Variants in LRMDA observed in about 807,000 individuals in gnomAD.
LRMDA encodes leucine rich melanocyte differentiation associated.
Under a neutral mutation model 29.8 loss-of-function variants are expected in LRMDA, and 18 were observed. The ratio of observed to expected loss-of-function variants is 0.60; its 90% CI spans 0.42 to 0.90. LRMDA has a LOEUF of 0.90. LRMDA is among the 40% of genes least tolerant of loss of function. LRMDA has a pLI of 0.00. For synonymous variants in LRMDA, 125 were observed against 109.4 expected (o/e 1.14, Z -0.89); for missense variants, 273 against 273.9 (o/e 1.00, Z 0.02).
intron 2 of LRMDA, among the ~76,000 whole-genome samples, chr10:75,969,515 C>A (rs956790607): frequency 3.3e-5 from 5 of 152,230 alleles, no homozygotes; most frequent in Non-Finnish European, 7.3e-5. Context: ...TGAGGTTCAG[C>A]ACAGTGGAGC....
chr10:75,561,099 A>T (rs1302106553), intron 2 of LRMDA, among the ~76,000 whole-genome samples: 1 of 151,560 alleles, frequency 6.6e-6, no homozygotes, highest in East Asian at 1.9e-4. Flanking sequence ...GAATAGTTTC[A>T]GAAGGAATGG....
At chr10:76,378,858 C>CTTTTTTTTTTTTTTTTTTTTTTTTT (rs144037195) in intron 6 of LRMDA, among the ~76,000 whole-genome samples, 4 of 118,966 alleles carry the variant, frequency 3.4e-5, no homozygotes, top group Non-Finnish European at 4.9e-5. Flanking sequence ...CTTTTTTTTT[C>CTTTTTTTTTTTTTTTTTTTTTTTTT]TTTTTTTTTT....
At chr10:75,947,494 G>A (rs1452160757) in intron 2 of LRMDA, among the ~76,000 whole-genome samples, 1 of 152,144 alleles carries the variant, frequency 6.6e-6, no homozygotes, top group Admixed American at 6.5e-5. Context: ...GTGCGAGGAG[G>A]CCCATGTCCA....
intron 5 of LRMDA, among the ~76,000 whole-genome samples, chr10:76,109,979 TC>T (rs1373094538): frequency 2.6e-5 from 4 of 152,182 alleles, no homozygotes; most frequent in Admixed American, 2.0e-4. Context: ...GGCTGTACTT[TC>T]TTTCTTGGAG....
chr10:75,571,268 G>A (rs1034101762), intron 2 of LRMDA, among the ~76,000 whole-genome samples: 113 of 152,328 alleles, frequency 7.4e-4, no homozygotes, highest in African/African-American at 2.6e-3. Flanking sequence ...GGTTAAAGGA[G>A]TTGGATGTAT....
chr10:76,027,752 T>C (rs1002631027), intron 2 of LRMDA, among the ~76,000 whole-genome samples: 2 of 152,234 alleles, frequency 1.3e-5, no homozygotes, highest in East Asian at 1.9e-4. Context: ...TGGATGACTT[T>C]TAATTTTCAT....
chr10:76,124,853 A>C (rs1306462996), intron 5 of LRMDA, among the ~76,000 whole-genome samples: 2 of 152,214 alleles, frequency 1.3e-5, no homozygotes, highest in African/African-American at 2.4e-5. Flanking sequence ...AACCATCTGC[A>C]GATAATTGCT....
At chr10:76,421,428 G>T (rs1359423423) in intron 6 of LRMDA, among the ~76,000 whole-genome samples, 1 of 151,874 alleles carries the variant, frequency 6.6e-6, no homozygotes, top group Non-Finnish European at 1.5e-5. Flanking sequence ...TATGTTTCTT[G>T]TAAGCAGTAT....
At chr10:75,974,391 T>C (rs1194804991) in intron 2 of LRMDA, among the ~76,000 whole-genome samples, 1 of 152,196 alleles carries the variant, frequency 6.6e-6, no homozygotes, top group East Asian at 1.9e-4. Context: ...ACTGCTTGAG[T>C]GCAAATCCTG....
At chr10:75,535,979 T>C (rs1232035551) in intron 2 of LRMDA, among the ~76,000 whole-genome samples, 1 of 152,120 alleles carries the variant, frequency 6.6e-6, no homozygotes, top group African/African-American at 2.4e-5. Flanking sequence ...TCCTGTAGAA[T>C]GAGAGGTTGG....
At chr10:76,345,214 C>A (rs1841090487) in intron 6 of LRMDA, among the ~76,000 whole-genome samples, 1 of 149,826 alleles carries the variant, frequency 6.7e-6, no homozygotes, top group African/African-American at 2.4e-5. Context: ...CTACAGGCGC[C>A]CGCTACCACG....
intron 2 of LRMDA, among the ~76,000 whole-genome samples, chr10:75,570,530 A>G (rs2132069732): frequency 6.6e-6 from 1 of 152,328 alleles, no homozygotes; most frequent in Admixed American, 6.5e-5. Context: ...AGGAACTATC[A>G]TAAAATTATT....
In LRMDA at chr10:76,483,403, C is replaced by G. The variant is rs569743967; in HGVS notation, c.602-73806C>G. Among the ~76,000 whole-genome samples, 9 of 152,006 alleles carry G rather than the reference C, an allele frequency of 5.9e-5. No homozygotes were observed. The East Asian group carries it at 1.8e-3, about 30-fold the overall frequency. ...CAGAGAAGGCTGCCAGGCAGGGCCC[C>G]ATAGGGGATTTCACCCAAGACCATG... On this transcript the variant is annotated intron_variant, in intron 6 of 6. Coordinates refer to ENST00000611255, the MANE Select transcript of LRMDA (RefSeq NM_001305581.2).
At chr10:75,848,895 A>G (rs929541073) in intron 2 of LRMDA, among the ~76,000 whole-genome samples, 5 of 152,052 alleles carry the variant, frequency 3.3e-5, no homozygotes, top group African/African-American at 1.2e-4. Flanking sequence ...TTTGCTGTCT[A>G]TCACAGGGGC....
chr10:75,841,560 C>T (rs1844541362), intron 2 of LRMDA, among the ~76,000 whole-genome samples: 3 of 152,130 alleles, frequency 2.0e-5, no homozygotes, highest in Admixed American at 1.3e-4. Flanking sequence ...TTTGTCTTCC[C>T]ACTTGATACT....
At chr10:76,243,735 C>T (rs1426809673) in intron 5 of LRMDA, among the ~76,000 whole-genome samples, 1 of 152,144 alleles carries the variant, frequency 6.6e-6, no homozygotes, top group Admixed American at 6.5e-5. Flanking sequence ...AATAATCTGA[C>T]AACGTAGTGA....
At chr10:76,335,553 A>G (rs1221084843) in intron 6 of LRMDA, among the ~76,000 whole-genome samples, 3 of 152,192 alleles carry the variant, frequency 2.0e-5, no homozygotes, top group Non-Finnish European at 2.9e-5. Flanking sequence ...ACATGTGCCC[A>G]AGGTGGTCTG....
At chr10:76,202,811 A>G (rs762720458) in intron 5 of LRMDA, among the ~76,000 whole-genome samples, 1 of 151,978 alleles carries the variant, frequency 6.6e-6, no homozygotes, top group Non-Finnish European at 1.5e-5. Flanking sequence ...GATGAAAGAG[A>G]ATATTTCACA....
rs144877525 is a variant in LRMDA at position 75,467,135 on chromosome 10, A to G, written c.131+28641A>G. Among the ~76,000 whole-genome samples, 213 of 152,322 alleles carry G rather than the reference A, an allele frequency of 1.4e-3. 3 individuals are homozygous for G. The highest frequency in any genetic ancestry group is 4.8e-3 in the African/African-American group (201 of 41,574). Reference sequence around the variant, plus strand: ...GGATGCATCAAGTACGACGACGTGGACATATGGCAGTCGGCCCATCCTGGA... The same window carrying G: ...GGATGCATCAAGTACGACGACGTGGGCATATGGCAGTCGGCCCATCCTGGA... On this transcript the variant is annotated intron_variant, in intron 2 of 6. Coordinates refer to ENST00000611255, the MANE Select transcript of LRMDA (RefSeq NM_001305581.2).
Sources: gnomAD v4.1 joint callset for allele counts (sites outside exome capture counted in the v4.1 genomes callset) on GRCh38, gnomAD v4.1.1 for gene constraint, MANE v1.5 for transcripts, NCBI Gene and HGNC (gene_info 2026-07-23, HGNC 2026-07-21) for gene names.